Variants in GAPVD1 observed in about 807,000 individuals in gnomAD.
GAPVD1 encodes GTPase-activating protein and VPS9 domain-containing protein 1.
A neutral mutation model predicts 155.5 loss-of-function variants in GAPVD1; 35 were observed. That is an observed-to-expected ratio of 0.23 (90% CI 0.17 to 0.30). The LOEUF (loss-of-function observed/expected upper bound fraction) is 0.30. Ranked by LOEUF, GAPVD1 falls within the 10% of genes least tolerant of loss-of-function variation. The pLI is 1.00. For synonymous variants in GAPVD1, 636 were observed against 619.7 expected, an observed-to-expected ratio of 1.03 and a Z score of -0.39; for missense variants, 1,429 against 1,775.7, an observed-to-expected ratio of 0.80 and a Z score of 3.51.
At chr9:125,333,188 C>G (rs1317738465) in intron 15 of GAPVD1, among the ~76,000 whole-genome samples, 1 of 151,894 alleles carries the variant, frequency 6.6e-6, no homozygotes, top group African/African-American at 2.4e-5. Flanking sequence ...TCAAGCCATT[C>G]TCCTGCCTCA....
chr9:125,302,459 A>C lies in GAPVD1; in HGVS notation c.662A>C (p.Lys221Thr). Residue 221 changes from lysine to threonine, a missense_variant, in exon 5 of 28, where the codon AAG becomes ACG. Coordinates refer to ENST00000297933, the MANE Select transcript of GAPVD1 (RefSeq NM_001282680.3). ...GATCACCTGGAAACAGATCCAAACA[A>C]GCTAATTGAGAGGTTCTCTCCATCT... ...DEDHLETDPN[K>T]LIERFSPSQQ... 6.2e-7 allele frequency: 1 copy of C among 1,613,840 alleles called. No individual in the cohort carries two copies. Among genetic ancestry groups the C allele is most frequent in the Non-Finnish European group, 8.5e-7 (1 of 1,179,938 alleles).
intron 2 of GAPVD1, among the ~76,000 whole-genome samples, chr9:125,293,882 A>AAATATATTT (rs1839340909): frequency 4.8e-5 from 1 of 20,874 alleles, no homozygotes; most frequent in African/African-American, 2.0e-4. Context: ...ATATATATAT[A>AAATATATTT]TATATATATA....
rs117062093 is a variant in GAPVD1, at chr9:125,297,227, C to G, written c.-33+1653C>G. ...ATTCAACTCCTGCTGTGAACTAGGC[C>G]GTCTCCTAGTCCCTGAAATTACAGC... On this transcript the variant is annotated intron_variant, in intron 3 of 27. Transcript: ENST00000297933. Among the ~76,000 whole-genome samples, 150 of 152,218 alleles carry G rather than the reference C, an allele frequency of 9.9e-4. 1 individual carries two copies. The highest frequency in any genetic ancestry group is 3.6e-3 in the African/African-American group (148 of 41,530).
intron 4 of GAPVD1, among the ~76,000 whole-genome samples, chr9:125,299,526 G>A (rs1474801579): frequency 1.3e-5 from 2 of 151,394 alleles, no homozygotes; most frequent in African/African-American, 4.9e-5. Flanking sequence ...CATTGTGGTA[G>A]GCGCCTGTAA....
intron 2 of GAPVD1, among the ~76,000 whole-genome samples, chr9:125,284,706 A>G (rs1027855437): frequency 2.0e-5 from 3 of 152,114 alleles, no homozygotes; most frequent in African/African-American, 7.2e-5. Flanking sequence ...TGTAAACATT[A>G]TAGAGTGTGT....
chr9:125,332,947 G>A (rs1846297560), intron 15 of GAPVD1, among the ~76,000 whole-genome samples: 1 of 152,182 alleles, frequency 6.6e-6, no homozygotes, highest in African/African-American at 2.4e-5. Flanking sequence ...TAATTTTGAT[G>A]TAACTGCTTA....
chr9:125,353,143 C>A (rs942241720), intron 23 of GAPVD1, among the ~76,000 whole-genome samples: 3 of 152,076 alleles, frequency 2.0e-5, no homozygotes, highest in South Asian at 2.1e-4. Context: ...TTAATAGCAC[C>A]CAAGTCACCT....
intron 6 of GAPVD1, 144 bp from the exon 7 acceptor site, chr9:125,307,268 CA>C (rs34896429): frequency 0.16 from 68,701 of 442,600 alleles, 1 homozygote; most frequent in East Asian, 0.2. Context: ...AACTTTGTCT[CA>C]AAAAAAAAAA....
At chr9:125,287,713 T>C (rs1837933756) in intron 2 of GAPVD1, 1 of 152,212 alleles carries the variant, frequency 6.6e-6, no homozygotes, top group South Asian at 2.1e-4. Flanking sequence ...ATTCCTACTT[T>C]AAGTCACTTA....
Position 125,366,588 on chromosome 9 carries a change from A to G in GAPVD1, c.*3842A>G, listed in dbSNP as rs960100566. On this transcript the variant is annotated 3_prime_UTR_variant, in exon 28 of 28. Coordinates refer to ENST00000297933, the MANE Select transcript of GAPVD1 (RefSeq NM_001282680.3). ...GTCTAGTGAGTTTATTTTGTACGCA[A>G]TTGCTTTAATTTTAAGGGAAGTAAA... The G allele has an allele frequency of 6.6e-6, 1 of 152,134 alleles. No homozygotes were observed. The highest frequency in any genetic ancestry group is 1.5e-5 in the Non-Finnish European group (1 of 68,020). 9.4% of individuals were successfully genotyped at this position (152,134 alleles called of 1,614,324 possible).
rs1564311958 is a variant in GAPVD1 at position 125,293,877 on chromosome 9, T to TATATATATA, written c.-149-1580_-149-1572dup. Among the ~76,000 whole-genome samples the TATATATATA allele has an allele frequency of 3.5e-3, 63 of 18,172 alleles. 3 individuals are homozygous for TATATATATA. Among genetic ancestry groups the TATATATATA allele is most frequent in the African/African-American group, 0.017 (60 of 3,572 alleles). 11.9% of individuals were successfully genotyped at this position (18,172 alleles called of 152,430 possible). ...TTATATATATATATATATATATATATATATATATATATATATATATATATA... is the reference window on the plus strand; with the variant it reads ...TTATATATATATATATATATATATATATATATATAATATATATATATATATATATATATA... On this transcript the variant is annotated intron_variant, in intron 2 of 27. Transcript: ENST00000297933.
chr9:125,281,585 G>A (rs1266340416), intron 2 of GAPVD1, among the ~76,000 whole-genome samples: 1 of 152,072 alleles, frequency 6.6e-6, no homozygotes, highest in Non-Finnish European at 1.5e-5. Context: ...ATGACAGTTT[G>A]TTACAATATT....
At chr9:125,288,821 A>C (rs1338171206) in intron 2 of GAPVD1, among the ~76,000 whole-genome samples, 4 of 152,254 alleles carry the variant, frequency 2.6e-5, no homozygotes, top group African/African-American at 9.6e-5. Flanking sequence ...GATGGTCAAT[A>C]CATGAGATAA....
chr9:125,307,588 T>G (rs564379717), intron 7 of GAPVD1, 41 bp downstream of exon 7: 1 of 1,594,930 alleles, frequency 6.3e-7, no homozygotes, highest in Non-Finnish European at 8.6e-7. Context: ...CGAAAGTCTT[T>G]TAGCTAAGCG....
At chr9:125,331,147 A>G (rs953447727) in intron 13 of GAPVD1, among the ~76,000 whole-genome samples, 1 of 152,114 alleles carries the variant, frequency 6.6e-6, no homozygotes, top group African/African-American at 2.4e-5. Context: ...TCTGCATTAC[A>G]TTCTGTTGAT....
intron 3 of GAPVD1, among the ~76,000 whole-genome samples, chr9:125,298,361 T>C (rs998507834): frequency 6.6e-6 from 1 of 152,134 alleles, no homozygotes; most frequent in African/African-American, 2.4e-5. Context: ...AGTGAGCTTT[T>C]TTTTCTTTTT....
intron 19 of GAPVD1, among the ~76,000 whole-genome samples, chr9:125,345,266 T>G (rs2132217873): frequency 6.6e-6 from 1 of 152,002 alleles, no homozygotes; most frequent in Middle Eastern, 3.4e-3. Context: ...CTGCAATCTC[T>G]ATCTCCTGGG....
At chr9:125,274,029 C>T (rs17379490) in intron 2 of GAPVD1, among the ~76,000 whole-genome samples, 3,982 of 151,244 alleles carry the variant, frequency 0.026, 146 homozygotes, top group African/African-American at 0.084. Context: ...AGTAGTGCTC[C>T]GTCACTTGAG....
intron 10 of GAPVD1, among the ~76,000 whole-genome samples, chr9:125,322,538 TAGC>T (rs1206234977): frequency 2.0e-5 from 3 of 152,324 alleles, no homozygotes; most frequent in African/African-American, 4.8e-5. Context: ...ATTTTGTTGA[TAGC>T]AGTTGACGTT....
Sources: gnomAD v4.1 joint callset for allele counts (sites outside exome capture counted in the v4.1 genomes callset) on GRCh38, gnomAD v4.1.1 for gene constraint, MANE v1.5 for transcripts, NCBI Gene and HGNC (gene_info 2026-07-23, HGNC 2026-07-21) for gene names.